The following RNF180 variants were observed in gnomAD, a reference collection of about 807,000 sequenced individuals.
RNF180 encodes the protein E3 ubiquitin-protein ligase RNF180.
RNF180 carries 38 observed loss-of-function variants against 59.2 expected under a neutral mutation model. That is an observed-to-expected ratio of 0.64 (90% CI 0.50 to 0.84). The LOEUF is 0.84. Ranked by LOEUF, RNF180 falls within the 40% of genes least tolerant of loss-of-function variation. The pLI, the probability that RNF180 is intolerant of heterozygous loss-of-function variation, is 0.00. For missense variants in RNF180, 705 were observed against 700.9 expected, an observed-to-expected ratio of 1.01 and a Z score of -0.07; for synonymous variants, 262 against 240.3, an observed-to-expected ratio of 1.09 and a Z score of -0.84.
chr5:64,170,657 G>C (rs947760608), intron 1 of RNF180, among the ~76,000 whole-genome samples: 4 of 152,130 alleles, frequency 2.6e-5, no homozygotes, highest in African/African-American at 9.7e-5. Flanking sequence ...CTTGGGAAAA[G>C]CCATCCACAG....
At chr5:64,210,800 T>C (rs562622524) in intron 2 of RNF180, among the ~76,000 whole-genome samples, 32 of 152,290 alleles carry the variant, frequency 2.1e-4, no homozygotes, top group African/African-American at 7.7e-4. Flanking sequence ...GGCACTGTTA[T>C]AGGACTAACA....
intron 5 of RNF180, among the ~76,000 whole-genome samples, chr5:64,324,980 C>T (rs940741311): frequency 5.9e-5 from 9 of 152,030 alleles, no homozygotes; most frequent in African/African-American, 2.2e-4. Context: ...CACTATGTCA[C>T]AATACTAAAA....
At chr5:64,308,296 A>G (rs776497743) in intron 5 of RNF180, among the ~76,000 whole-genome samples, 4 of 151,748 alleles carry the variant, frequency 2.6e-5, no homozygotes, top group Admixed American at 6.6e-5. Context: ...TCATTCGTTG[A>G]CATGCACAGA....
intron 5 of RNF180, among the ~76,000 whole-genome samples, chr5:64,241,821 CAG>C (rs1491172729): frequency 1.3e-5 from 2 of 152,082 alleles, no homozygotes; most frequent in African/African-American, 2.4e-5. Context: ...CAGCACAACA[CAG>C]AGAGAGATAC....
intron 7 of RNF180, among the ~76,000 whole-genome samples, chr5:64,353,136 G>C (rs72752862): frequency 2.6e-5 from 4 of 151,772 alleles, no homozygotes; most frequent in Non-Finnish European, 5.9e-5. Context: ...ATGAATTTAA[G>C]TTTTTAATAC....
At chr5:64,290,392 A>G (rs1230503461) in intron 5 of RNF180, among the ~76,000 whole-genome samples, 1 of 152,192 alleles carries the variant, frequency 6.6e-6, no homozygotes, top group Admixed American at 6.5e-5. Context: ...TCTATCAGAT[A>G]TGCTTGATCC....
At chr5:64,317,563 C>CATACATAT (rs1744107595) in intron 5 of RNF180, among the ~76,000 whole-genome samples, 1 of 147,584 alleles carries the variant, frequency 6.8e-6, no homozygotes, top group Non-Finnish European at 1.5e-5. Context: ...CATATATACA[C>CATACATAT]ATACATATAT....
intron 5 of RNF180, among the ~76,000 whole-genome samples, chr5:64,241,040 A>G (rs1381918979): frequency 6.6e-6 from 1 of 152,204 alleles, no homozygotes; most frequent in African/African-American, 2.4e-5. Context: ...AATGAATGAC[A>G]TTTTATTAAG....
chr5:64,229,921 T>G (rs1726582781), intron 5 of RNF180, among the ~76,000 whole-genome samples: 1 of 152,212 alleles, frequency 6.6e-6, no homozygotes, highest in African/African-American at 2.4e-5. Context: ...CCTTTTATTC[T>G]TCAATAAAAG....
intron 1 of RNF180, among the ~76,000 whole-genome samples, chr5:64,182,059 T>C (rs1486973016): frequency 6.7e-6 from 1 of 148,636 alleles, no homozygotes; most frequent in African/African-American, 2.5e-5. Flanking sequence ...TGGCACATCT[T>C]AGCTCACTGC....
intron 3 of RNF180, 76 bp from the exon 4 acceptor site, chr5:64,213,482 C>T (rs1752418083): frequency 7.1e-7 from 1 of 1,408,160 alleles, no homozygotes; most frequent in African/African-American, 1.4e-5. Flanking sequence ...ATGTGGCTGG[C>T]TTTAAAGAAA....
intron 7 of RNF180, among the ~76,000 whole-genome samples, chr5:64,346,479 C>T (rs1484285531): frequency 6.8e-6 from 1 of 146,302 alleles, no homozygotes; most frequent in African/African-American, 2.5e-5. Context: ...AAGTAATTCT[C>T]CTGCCTCAGG....
At chr5:64,348,689 G>A (rs964136419) in intron 7 of RNF180, among the ~76,000 whole-genome samples, 3 of 151,926 alleles carry the variant, frequency 2.0e-5, no homozygotes, top group Non-Finnish European at 4.4e-5. Flanking sequence ...AATGGAGTCT[G>A]ATGTTTCTGA....
intron 5 of RNF180, among the ~76,000 whole-genome samples, chr5:64,258,894 G>A (rs889654758): frequency 1.9e-4 from 29 of 152,318 alleles, no homozygotes; most frequent in African/African-American, 6.7e-4. Context: ...AACAAGAGGT[G>A]TTAGGCTAGG....
chr5:64,247,039 G>A lies in RNF180; in HGVS notation c.1227+29643G>A, dbSNP rs906480379. On this transcript the variant is annotated intron_variant, in intron 5 of 7. Coordinates refer to ENST00000389100, the MANE Select transcript of RNF180 (RefSeq NM_001113561.2). ...GATTATCTCAATAGATGCAGAAAAG[G>A]CCTTCAGTAAAATTCAACACCACCA... Among the ~76,000 whole-genome samples the A allele has an allele frequency of 4.6e-5, 7 of 152,162 alleles. 1 individual carries two copies. Among genetic ancestry groups the A allele is most frequent in the Admixed American group, 4.6e-4 (7 of 15,260 alleles).
At chr5:64,187,573 T>G (rs1238284721) in intron 1 of RNF180, among the ~76,000 whole-genome samples, 1 of 152,196 alleles carries the variant, frequency 6.6e-6, no homozygotes, top group Non-Finnish European at 1.5e-5. Flanking sequence ...GTTCATAAAT[T>G]AGCAGTTTCA....
Position 64,369,889 on chromosome 5 carries a change from C to T in RNF180, c.*75C>T. The T allele has an allele frequency of 1.2e-6, 1 of 856,932 alleles. No individual in the cohort carries two copies. The allele number at this position is 856,932 out of a possible 1,614,324, so 53.1% of individuals were successfully genotyped here. On this transcript the variant is annotated 3_prime_UTR_variant, in exon 8 of 8. Transcript: ENST00000389100. Reference sequence around the variant, plus strand: ...AATTGCTTAAACATTTTTAAATGTGCTTTGAAGTTTTTTTAATGTTGCATT... The same window carrying T: ...AATTGCTTAAACATTTTTAAATGTGTTTTGAAGTTTTTTTAATGTTGCATT...
intron 1 of RNF180, among the ~76,000 whole-genome samples, chr5:64,183,114 T>G (rs754452204): frequency 6.6e-6 from 1 of 152,180 alleles, no homozygotes; most frequent in Non-Finnish European, 1.5e-5. Context: ...TGCATCTCAC[T>G]CTTCTCATCC....
At chr5:64,172,885 C>A (rs183530366) in intron 1 of RNF180, among the ~76,000 whole-genome samples, 24 of 152,276 alleles carry the variant, frequency 1.6e-4, no homozygotes, top group African/African-American at 5.1e-4. Flanking sequence ...TATTGACTGT[C>A]ATGGTCAGTG....
Sources: allele counts gnomAD v4.1 joint callset (sites outside exome capture counted in the v4.1 genomes callset), GRCh38; gene constraint gnomAD v4.1.1; transcripts MANE v1.5; gene names NCBI Gene and HGNC (gene_info 2026-07-23, HGNC 2026-07-21).